DENND2A: variants seen among roughly 807,000 people sequenced by gnomAD.
DENND2A encodes the protein DENN domain-containing protein 2A.
DENND2A carries 53 observed loss-of-function variants against 105.3 expected under a neutral mutation model. The ratio of observed to expected loss-of-function variants is 0.50; its 90% CI spans 0.40 to 0.63. DENND2A has a LOEUF of 0.63. Ranked by LOEUF, DENND2A falls within the 30% of genes least tolerant of loss-of-function variation. The pLI, the probability that DENND2A is intolerant of heterozygous loss-of-function variation, is 0.00. For missense variants in DENND2A, 1,138 were observed against 1,279.6 expected, an observed-to-expected ratio of 0.89 and a Z score of 1.69; for synonymous variants, 522 against 508.4, an observed-to-expected ratio of 1.03 and a Z score of -0.36.
chr7:140,604,966 G>A (rs1251916744), intron 2 of DENND2A, among the ~76,000 whole-genome samples: 1 of 152,178 alleles, frequency 6.6e-6, no homozygotes, highest in African/African-American at 2.4e-5. Flanking sequence ...TAGTGTTATT[G>A]TAAGTATCAT....
intron 18 of DENND2A, 140 bp downstream of exon 18, chr7:140,521,715 G>GCATA: frequency 2.2e-6 from 3 of 1,388,658 alleles, no homozygotes; most frequent in Non-Finnish European, 2.9e-6. Context: ...CTCAGTCAGG[G>GCATA]CATAACTGCA....
At chr7:140,557,999 C>G (rs983014504) in intron 11 of DENND2A, 144 bp downstream of exon 11, 9 of 629,652 alleles carry the variant, frequency 1.4e-5, no homozygotes, top group Middle Eastern at 4.2e-4. Flanking sequence ...TATGCTGATT[C>G]ACCTGCCACT....
At chr7:140,547,829 C>G (rs1385082575) in intron 12 of DENND2A, among the ~76,000 whole-genome samples, 1 of 152,148 alleles carries the variant, frequency 6.6e-6, no homozygotes, top group Non-Finnish European at 1.5e-5. Flanking sequence ...CATGCTATAA[C>G]TTGGATGACT....
chr7:140,572,179 A>AT (rs1195993087), intron 6 of DENND2A, among the ~76,000 whole-genome samples: 10 of 151,242 alleles, frequency 6.6e-5, no homozygotes, highest in Non-Finnish European at 1.0e-4. Context: ...CTAATTTTAA[A>AT]TTTTTTTTGT....
chr7:140,586,664 C>T lies in DENND2A; in HGVS notation c.1124-954G>A, dbSNP rs147627067. 3.2e-3 allele frequency among the ~76,000 whole-genome samples: 489 copies of T among 152,316 alleles called. 6 individuals carry two copies. Among genetic ancestry groups the T allele is most frequent in the African/African-American group, 0.011 (469 of 41,568 alleles). ...CTGAAAGCATCCTCTTGGGCAGTCA[C>T]TGCTAAGAGAAGTCCAGATCTCGCT... On this transcript the variant is annotated intron_variant, in intron 4 of 19. Transcript: ENST00000496613.
intron 2 of DENND2A, among the ~76,000 whole-genome samples, chr7:140,604,107 C>T (rs962146021): frequency 6.6e-6 from 1 of 152,224 alleles, no homozygotes; most frequent in African/African-American, 2.4e-5. Flanking sequence ...CATTAGCTAA[C>T]ACCTCACGGT....
At chr7:140,580,846 A>G (rs1798512034) in intron 5 of DENND2A, among the ~76,000 whole-genome samples, 1 of 148,184 alleles carries the variant, frequency 6.7e-6, no homozygotes, top group African/African-American at 2.5e-5. Context: ...CATGTTGGCC[A>G]GGCTGATCTC....
At chr7:140,548,479 G>GCCA (rs1317423498) in intron 12 of DENND2A, among the ~76,000 whole-genome samples, 2 of 151,878 alleles carry the variant, frequency 1.3e-5, no homozygotes, top group Non-Finnish European at 1.5e-5. Context: ...CTATGATCAT[G>GCCA]CCACCACACT....
chr7:140,567,980 G>T (rs189613369), intron 8 of DENND2A, among the ~76,000 whole-genome samples: 16 of 152,178 alleles, frequency 1.1e-4, no homozygotes, highest in African/African-American at 2.6e-4. Flanking sequence ...TCACTCTGTT[G>T]CCCAGGCTGG....
chr7:140,580,664 T>G (rs1363833479), intron 5 of DENND2A, among the ~76,000 whole-genome samples: 1 of 151,684 alleles, frequency 6.6e-6, no homozygotes, highest in Non-Finnish European at 1.5e-5. Flanking sequence ...TGAGATGGAG[T>G]CTCATTCTGT....
chr7:140,602,171 G>C lies in DENND2A; in HGVS notation c.227C>G (p.Pro76Arg), dbSNP rs142443879. The change falls in exon 3 of 20, where the codon CCG becomes CGG. Residue 76 changes from proline to arginine, a missense_variant. Transcript: ENST00000496613. ...RRADGQEDYL[P>R]SSTVERRSSD... ...ACTCCTCCTCTCCACCGTAGAGGAC[G>C]GCAGATAATCCTCCTGTCCGTCTGC... 3.1e-6 allele frequency: 5 copies of C among 1,614,012 alleles called. No homozygotes were observed. The highest frequency in any genetic ancestry group is 4.2e-6 in the Non-Finnish European group (5 of 1,180,036).
chr7:140,524,885 C>CTTTT, intron 16 of DENND2A, among the ~76,000 whole-genome samples: 1 of 133,028 alleles, frequency 7.5e-6, no homozygotes, highest in Admixed American at 7.6e-5. Flanking sequence ...GGCAAATATT[C>CTTTT]TTTTTTTTTT....
intron 1 of DENND2A, among the ~76,000 whole-genome samples, chr7:140,631,504 G>A (rs1204369712): frequency 1.3e-5 from 2 of 151,974 alleles, no homozygotes; most frequent in African/African-American, 4.8e-5. Context: ...CTGTGGTGCT[G>A]GAATCTTCAA....
At position 140,527,585 on chromosome 7, in the gene DENND2A, T is replaced by G; in HGVS notation, c.2328-90A>C. On this transcript the variant is annotated intron_variant, in intron 14 of 19. Coordinates refer to ENST00000496613, the MANE Select transcript of DENND2A (RefSeq NM_015689.5). The surrounding 1 kb of genome is among the most constrained non-coding windows in gnomAD (Gnocchi z 4.9). ...GAGAAGGCTCCTCCCAGAGACAGGA[T>G]GACTAGGAAAGGACACACGTGGATG... 1 of 1,365,538 alleles carries G rather than the reference T, an allele frequency of 7.3e-7. No individual in the cohort carries two copies. The highest frequency in any genetic ancestry group is 1.4e-5 in the African/African-American group (1 of 69,142). 84.6% of individuals were successfully genotyped at this position (1,365,538 alleles called of 1,614,324 possible).
At chr7:140,610,465 A>G (rs1007697472) in intron 1 of DENND2A, among the ~76,000 whole-genome samples, 1 of 152,106 alleles carries the variant, frequency 6.6e-6, no homozygotes, top group African/African-American at 2.4e-5. Context: ...TCATAGTGAG[A>G]TGCTTCTGAT....
At chr7:140,612,722 G>A (rs1357836955) in intron 1 of DENND2A, among the ~76,000 whole-genome samples, 2 of 151,944 alleles carry the variant, frequency 1.3e-5, no homozygotes, top group African/African-American at 4.8e-5. Flanking sequence ...GGCTGGTCTC[G>A]AACTCCTGAT....
rs1019218499 is a variant in DENND2A at position 140,587,764 on chromosome 7, C to T, written c.1012G>A (p.Glu338Lys). The T allele has an allele frequency of 6.2e-7, 1 of 1,601,302 alleles. No homozygotes were observed. Among genetic ancestry groups the T allele is most frequent in the Non-Finnish European group, 8.5e-7 (1 of 1,170,710 alleles). The change falls in exon 4 of 20, where the codon GAA becomes AAA. Residue 338 changes from glutamate (E) to lysine (K), a missense_variant. Glu to Lys is a moderately conservative substitution (Grantham distance 56). This residue lies in a region of DENND2A where 511 missense variants were observed against 499.9 expected (regional missense o/e 1.02). Coordinates refer to ENST00000496613, the MANE Select transcript of DENND2A (RefSeq NM_015689.5). Reference protein sequence around the residue: ...SADHRKSYEFEDLLQSSSESS... With the variant: ...SADHRKSYEFKDLLQSSSESS... Reference sequence around the variant, plus strand: ...TCAGAGGAAGACTGCAGTAAATCTTCAAACTCATAGGACTTTCTGGAATGT... The same window carrying T: ...TCAGAGGAAGACTGCAGTAAATCTTTAAACTCATAGGACTTTCTGGAATGT...
At position 140,532,040 on chromosome 7, in the gene DENND2A, A is replaced by T. The variant is rs549043346; in HGVS notation, c.2328-4545T>A. Among the ~76,000 whole-genome samples, 8 of 152,194 alleles carry T rather than the reference A, an allele frequency of 5.3e-5. No individual in the cohort carries two copies. The South Asian group carries it at 1.7e-3, about 32-fold the overall frequency. Reference sequence around the variant, plus strand: ...CACTTTGGGAAGCTGAGGCAGGTAGATCACCTGAGGTCAGGAGTTCGAGAT... The same window carrying T: ...CACTTTGGGAAGCTGAGGCAGGTAGTTCACCTGAGGTCAGGAGTTCGAGAT... On this transcript the variant is annotated intron_variant, in intron 14 of 19. Transcript: ENST00000496613.
chr7:140,539,830 C>T (rs74942626), intron 14 of DENND2A, among the ~76,000 whole-genome samples: 3,329 of 152,322 alleles, frequency 0.022, 116 homozygotes, highest in African/African-American at 0.074. Flanking sequence ...CCTTTCTTTA[C>T]GCAGATTTCC....
Sources: allele counts gnomAD v4.1 joint callset (sites outside exome capture counted in the v4.1 genomes callset), GRCh38; gene constraint gnomAD v4.1.1; regional missense constraint gnomAD v4.1.1; non-coding constraint Gnocchi (gnomAD v3.1); transcripts MANE v1.5; gene names NCBI Gene and HGNC (gene_info 2026-07-23, HGNC 2026-07-21).